Variants in GRIA1 observed in about 807,000 individuals in gnomAD.
GRIA1 encodes the protein glutamate receptor 1.
Under a neutral mutation model 99.2 loss-of-function variants are expected in GRIA1, and 31 were observed. That is an observed-to-expected ratio of 0.31 (90% CI 0.23 to 0.42). The LOEUF is 0.42. Among genes scored for constraint, GRIA1 ranks in the 10% least tolerant of loss-of-function variants. GRIA1 has a pLI of 1.00. For synonymous variants in GRIA1, 438 were observed against 432.4 expected, an observed-to-expected ratio of 1.01 and a Z score of -0.16; for missense variants, 782 against 1,157.5, an observed-to-expected ratio of 0.68 and a Z score of 4.71.
chr5:153,697,436 A>G (rs1350054331), intron 8 of GRIA1, among the ~76,000 whole-genome samples: 2 of 152,120 alleles, frequency 1.3e-5, no homozygotes, highest in Admixed American at 1.3e-4. Flanking sequence ...TAAATAACCT[A>G]CTCAAATTTG....
At chr5:153,492,075 GTC>G (rs1753964731) in intron 1 of GRIA1, 5 of 1,323,644 alleles carry the variant, frequency 3.8e-6, no homozygotes, top group Non-Finnish European at 4.9e-6. Flanking sequence ...TTGGTTTCTA[GTC>G]TCTCTCCCCT....
intron 11 of GRIA1, among the ~76,000 whole-genome samples, chr5:153,707,217 C>A (rs770243076): frequency 1.7e-4 from 26 of 152,152 alleles, no homozygotes; most frequent in Non-Finnish European, 3.2e-4. Context: ...TTTAGCCCCC[C>A]ACATGGAATC....
intron 11 of GRIA1, among the ~76,000 whole-genome samples, chr5:153,706,849 C>T (rs977841461): frequency 6.6e-6 from 1 of 152,182 alleles, no homozygotes; most frequent in Non-Finnish European, 1.5e-5. Context: ...AATCCTAGCA[C>T]TTTGGGAGGC....
chr5:153,614,181 C>T (rs915844416), intron 2 of GRIA1, among the ~76,000 whole-genome samples: 1 of 152,202 alleles, frequency 6.6e-6, no homozygotes, highest in African/African-American at 2.4e-5. Context: ...CCTTTCTCTT[C>T]TGACACTTAT....
intron 2 of GRIA1, among the ~76,000 whole-genome samples, chr5:153,542,573 G>A (rs1255940760): frequency 2.0e-5 from 3 of 152,200 alleles, no homozygotes; most frequent in Admixed American, 1.3e-4. Flanking sequence ...ACAAGCAACT[G>A]GAGATCAGGA....
chr5:153,810,141 C>T (rs1257805686), intron 15 of GRIA1, among the ~76,000 whole-genome samples: 2 of 152,178 alleles, frequency 1.3e-5, no homozygotes, highest in East Asian at 1.9e-4. Flanking sequence ...TCCCACTTAA[C>T]TCATCTGATT....
chr5:153,588,757 C>T (rs1763715573), intron 2 of GRIA1, among the ~76,000 whole-genome samples: 1 of 152,244 alleles, frequency 6.6e-6, no homozygotes, highest in East Asian at 1.9e-4. Flanking sequence ...AGCCTACTCA[C>T]TATCTCTCAT....
chr5:153,701,385 C>T (rs1394902498), intron 10 of GRIA1, among the ~76,000 whole-genome samples: 11 of 151,894 alleles, frequency 7.2e-5, no homozygotes, highest in Admixed American at 5.2e-4. Context: ...GAGGCTGAGG[C>T]GGGTGGATCA....
At chr5:153,519,078 C>A (rs1316087509) in intron 2 of GRIA1, among the ~76,000 whole-genome samples, 1 of 152,122 alleles carries the variant, frequency 6.6e-6, no homozygotes, top group Non-Finnish European at 1.5e-5. Context: ...TCCTGGCTAA[C>A]ACCGTGAAAC....
Position 153,664,056 on chromosome 5 carries a change from G to A in GRIA1, c.699+8184G>A, listed in dbSNP as rs367590317. Among the ~76,000 whole-genome samples the A allele has an allele frequency of 2.7e-4, 41 of 152,280 alleles. No individual in the cohort carries two copies. In the East Asian group the frequency reaches 5.4e-3, roughly 20 times the overall value. On this transcript the variant is annotated intron_variant, in intron 5 of 15. Transcript: ENST00000285900. ...GCCTTCAAGCAAGAGGGGCCCCTTA[G>A]CACTAATTTTGGCAGATGGTTGGTG...
At chr5:153,789,923 T>C (rs758449800) in intron 13 of GRIA1, among the ~76,000 whole-genome samples, 1 of 152,212 alleles carries the variant, frequency 6.6e-6, no homozygotes, top group Non-Finnish European at 1.5e-5. Context: ...ACAATAGTAG[T>C]AGCTAAGTCA....
intron 2 of GRIA1, among the ~76,000 whole-genome samples, chr5:153,627,890 T>C (rs1767789074): frequency 6.7e-6 from 1 of 150,332 alleles, no homozygotes; most frequent in African/African-American, 2.4e-5. Flanking sequence ...AAAGCCTTTG[T>C]TCCCAAGGCA....
chr5:153,582,704 T>G (rs1165781349), intron 2 of GRIA1, among the ~76,000 whole-genome samples: 2 of 152,234 alleles, frequency 1.3e-5, no homozygotes, highest in Non-Finnish European at 2.9e-5. Flanking sequence ...GGGAGAGCAC[T>G]TAATTCAGTG....
At chr5:153,509,050 A>T (rs927105094) in intron 2 of GRIA1, among the ~76,000 whole-genome samples, 1 of 152,204 alleles carries the variant, frequency 6.6e-6, no homozygotes, top group Non-Finnish European at 1.5e-5. Context: ...CCATTGGTTC[A>T]AGCAAGGTAT....
chr5:153,734,704 A>G (rs1399638166), intron 11 of GRIA1, among the ~76,000 whole-genome samples: 1 of 152,168 alleles, frequency 6.6e-6, no homozygotes, highest in Non-Finnish European at 1.5e-5. Context: ...CTTAACCCAG[A>G]TCAGGGGATA....
At chr5:153,555,357 G>T (rs917240021) in intron 2 of GRIA1, among the ~76,000 whole-genome samples, 2 of 151,366 alleles carry the variant, frequency 1.3e-5, no homozygotes, top group Non-Finnish European at 2.9e-5. Flanking sequence ...CATTTTTCGC[G>T]CATTCCTACC....
At chr5:153,581,634 GC>G (rs1265254396) in intron 2 of GRIA1, among the ~76,000 whole-genome samples, 2 of 151,800 alleles carry the variant, frequency 1.3e-5, no homozygotes, top group African/African-American at 4.8e-5. Context: ...TTCCCCTTTG[GC>G]CCCACTCCTA....
rs890220844 is a variant in GRIA1 at position 153,721,520 on chromosome 5, C to T, written c.1823+15453C>T. Among the ~76,000 whole-genome samples the T allele has an allele frequency of 7.9e-5, 12 of 152,324 alleles. 1 individual carries two copies. Among genetic ancestry groups the T allele is most frequent in the African/African-American group, 2.6e-4 (11 of 41,580 alleles). The stretch of plus-strand genomic sequence containing the variant: ...GGTAACTCTTTTTGTCTCCTTCACA[C>T]TTCTCCCATGACAGGAGTAGCCGCT... On this transcript the variant is annotated intron_variant, in intron 11 of 15. Transcript: ENST00000285900.
intron 2 of GRIA1, among the ~76,000 whole-genome samples, chr5:153,634,323 A>G (rs1200387238): frequency 8.7e-6 from 1 of 115,170 alleles, no homozygotes; most frequent in Non-Finnish European, 2.2e-5. Flanking sequence ...ATCTCAAAAA[A>G]AAAAAAGAAA....
Sources: allele counts gnomAD v4.1 joint callset (sites outside exome capture counted in the v4.1 genomes callset), GRCh38; gene constraint gnomAD v4.1.1; transcripts MANE v1.5; gene names NCBI Gene and HGNC (gene_info 2026-07-23, HGNC 2026-07-21).